The following GALNT13 variants were observed in gnomAD, a reference collection of about 807,000 sequenced individuals.
GALNT13 encodes polypeptide N-acetylgalactosaminyltransferase 13.
Under a neutral mutation model 64.2 loss-of-function variants are expected in GALNT13, and 28 were observed. That is an observed-to-expected ratio of 0.44 (90% CI 0.32 to 0.60). The LOEUF is 0.60. Among genes scored for constraint, GALNT13 ranks in the 20% least tolerant of loss-of-function variants. The pLI is 0.05. For missense variants in GALNT13, 577 were observed against 669.8 expected, an observed-to-expected ratio of 0.86 and a Z score of 1.53; for synonymous variants, 214 against 224.6, an observed-to-expected ratio of 0.95 and a Z score of 0.42.
At chr2:153,576,477 C>T in the GALNT13 span, among the ~76,000 whole-genome samples, 1 of 152,152 alleles carries the variant, frequency 6.6e-6, no homozygotes, top group Non-Finnish European at 1.5e-5. Context: ...TTTAAATGCT[C>T]CCTCCATGGG....
intron 3 of GALNT13, among the ~76,000 whole-genome samples, chr2:154,013,156 T>C (rs984419842): frequency 6.6e-6 from 1 of 151,052 alleles, no homozygotes; most frequent in African/African-American, 2.4e-5. Context: ...TTATGCTGTT[T>C]GTTTCTCATC....
the GALNT13 span, among the ~76,000 whole-genome samples, chr2:153,293,452 A>T: frequency 1.3e-5 from 2 of 152,118 alleles, no homozygotes; most frequent in East Asian, 3.9e-4. Flanking sequence ...TTGAAGATGT[A>T]GGAAGGGGCC....
intron 4 of GALNT13, among the ~76,000 whole-genome samples, chr2:154,222,830 T>A (rs1313098062): frequency 3.3e-5 from 5 of 152,190 alleles, no homozygotes; most frequent in East Asian, 1.9e-4. Flanking sequence ...GAAGCATCAT[T>A]GAAGTGGTAC....
chr2:153,903,972 T>C (rs899776500), intron 2 of GALNT13, among the ~76,000 whole-genome samples: 1 of 152,008 alleles, frequency 6.6e-6, no homozygotes, highest in Non-Finnish European at 1.5e-5. Flanking sequence ...TTGTGGGAAT[T>C]ACTTCCTTGC....
the GALNT13 span, among the ~76,000 whole-genome samples, chr2:153,693,461 G>A: frequency 6.6e-6 from 1 of 152,074 alleles, no homozygotes; most frequent in African/African-American, 2.4e-5. Flanking sequence ...GGGCTAAGCG[G>A]GATCTATAGG....
At chr2:154,342,236 T>C (rs148869889) in intron 9 of GALNT13, among the ~76,000 whole-genome samples, 8 of 151,884 alleles carry the variant, frequency 5.3e-5, no homozygotes, top group Non-Finnish European at 8.8e-5. Flanking sequence ...ACCAAGAGAA[T>C]GGAGGTAGGA....
chr2:154,068,599 A>T (rs1700588279), intron 3 of GALNT13, among the ~76,000 whole-genome samples: 1 of 151,992 alleles, frequency 6.6e-6, no homozygotes, highest in African/African-American at 2.4e-5. Context: ...GGAGATCATT[A>T]TGTTAAGTGA....
the GALNT13 span, among the ~76,000 whole-genome samples, chr2:153,508,113 GT>G: frequency 1.3e-5 from 2 of 152,148 alleles, no homozygotes; most frequent in Non-Finnish European, 2.9e-5. Flanking sequence ...CCTTGGTTGT[GT>G]TTTTGCTTAG....
At chr2:154,318,572 A>C (rs1440538986) in intron 9 of GALNT13, among the ~76,000 whole-genome samples, 1 of 152,078 alleles carries the variant, frequency 6.6e-6, no homozygotes, top group Non-Finnish European at 1.5e-5. Context: ...CTAAAATACA[A>C]AAATTAGCCA....
At chr2:153,086,386 G>A in the GALNT13 span, among the ~76,000 whole-genome samples, 139 of 152,220 alleles carry the variant, frequency 9.1e-4, 2 homozygotes, top group East Asian at 0.022. Flanking sequence ...CAAATCTCAC[G>A]TTGAATTGTA....
chr2:154,328,598 T>A (rs1695000935), intron 9 of GALNT13, among the ~76,000 whole-genome samples: 1 of 152,130 alleles, frequency 6.6e-6, no homozygotes, highest in Non-Finnish European at 1.5e-5. Flanking sequence ...CACCTGGATC[T>A]TGTTAAAAAA....
At chr2:153,688,544 C>T in the GALNT13 span, among the ~76,000 whole-genome samples, 6 of 151,990 alleles carry the variant, frequency 3.9e-5, no homozygotes, top group African/African-American at 1.4e-4. Flanking sequence ...TCTGTATATT[C>T]TTCAGATTAA....
At chr2:153,574,233 C>T in the GALNT13 span, among the ~76,000 whole-genome samples, 3 of 151,258 alleles carry the variant, frequency 2.0e-5, no homozygotes, top group South Asian at 2.1e-4. Flanking sequence ...ATTGGAAATC[C>T]GTTATATGTT....
the GALNT13 span, among the ~76,000 whole-genome samples, chr2:153,476,953 A>G: frequency 6.6e-6 from 1 of 152,048 alleles, no homozygotes; most frequent in Non-Finnish European, 1.5e-5. Flanking sequence ...GCCCTCCCTA[A>G]AGGCTGTCCA....
At chr2:153,905,463 C>G (rs534180444) in intron 2 of GALNT13, among the ~76,000 whole-genome samples, 323 of 151,922 alleles carry the variant, frequency 2.1e-3, no homozygotes, top group African/African-American at 7.5e-3. Flanking sequence ...TAAAATAGAA[C>G]AATTATAACA....
At chr2:153,896,111 A>T in intron 1 of GALNT13, among the ~76,000 whole-genome samples, 1 of 50,532 alleles carries the variant, frequency 2.0e-5, no homozygotes, top group East Asian at 1.1e-3. Context: ...ATTAAAAAAA[A>T]CTTGCCACTT....
At chr2:153,703,921 T>C in the GALNT13 span, among the ~76,000 whole-genome samples, 1 of 152,140 alleles carries the variant, frequency 6.6e-6, no homozygotes, top group Admixed American at 6.5e-5. Flanking sequence ...ATATAAAATT[T>C]GATTAATTTT....
At chr2:154,089,450 G>A (rs1014234852) in intron 3 of GALNT13, among the ~76,000 whole-genome samples, 14 of 152,022 alleles carry the variant, frequency 9.2e-5, no homozygotes, top group African/African-American at 3.4e-4. Flanking sequence ...CTGGAGTAGA[G>A]CTTTCACCAT....
At chr2:153,123,482 T>C in the GALNT13 span, among the ~76,000 whole-genome samples, 1 of 152,136 alleles carries the variant, frequency 6.6e-6, no homozygotes, top group South Asian at 2.1e-4. Context: ...TGTTAGAACA[T>C]CAATGAAATA....
Sources: allele counts gnomAD v4.1 joint callset (sites outside exome capture counted in the v4.1 genomes callset), GRCh38; gene constraint gnomAD v4.1.1; transcripts MANE v1.5; gene names NCBI Gene and HGNC (gene_info 2026-07-23, HGNC 2026-07-21).